Variants in FSHR observed in about 807,000 individuals in gnomAD.
FSHR encodes the protein follicle stimulating hormone receptor.
Under a neutral mutation model 52.1 loss-of-function variants are expected in FSHR, and 46 were observed. The observed-to-expected ratio is 0.88, with a 90% CI of 0.70 to 1.13. FSHR has a LOEUF of 1.13. Among genes scored for constraint, FSHR ranks in the 50% most tolerant of loss-of-function variants. FSHR has a pLI of 0.00. For missense variants in FSHR, 964 were observed against 834.6 expected (o/e 1.16, Z -1.91); for synonymous variants, 399 against 309.6 (o/e 1.29, Z -3.03).
In FSHR at chr2:49,020,128, A is replaced by G. The variant is rs750246214; in HGVS notation, c.257T>C (p.Ile86Thr). 5.0e-6 allele frequency: 8 copies of G among 1,613,686 alleles called. No homozygotes were observed. Among genetic ancestry groups the G allele is most frequent in the Non-Finnish European group, 3.4e-6 (4 of 1,179,722 alleles). Reference sequence around the variant, plus strand: ...AAGGTTGGAGAACACATCTGCCTCTATCACCTCCAAGACATCATTCTGAGA... The same window carrying G: ...AAGGTTGGAGAACACATCTGCCTCTGTCACCTCCAAGACATCATTCTGAGA... ...EISQNDVLEV[I>T]EADVFSNLPK... The change falls in exon 3 of 10, where the codon ATA (isoleucine) becomes ACA (threonine). Residue 86 changes from isoleucine (I) to threonine (T), a missense_variant. Ile to Thr is a moderately conservative substitution (Grantham distance 89). Transcript: ENST00000406846.
intron 1 of FSHR, among the ~76,000 whole-genome samples, chr2:49,127,818 T>TTCC (rs1672085605): frequency 4.4e-5 from 3 of 68,334 alleles, no homozygotes; most frequent in African/African-American, 1.8e-4. Flanking sequence ...CTTCTTCTTC[T>TTCC]TCTTCTTCTT....
At chr2:49,051,011 T>G (rs1418774815) in intron 2 of FSHR, among the ~76,000 whole-genome samples, 1 of 152,170 alleles carries the variant, frequency 6.6e-6, no homozygotes, top group South Asian at 2.1e-4. Context: ...TCTGGCTTCT[T>G]TGCTTACTAT....
At chr2:49,084,391 T>C (rs1209775826) in intron 1 of FSHR, among the ~76,000 whole-genome samples, 5 of 151,466 alleles carry the variant, frequency 3.3e-5, no homozygotes, top group Non-Finnish European at 5.9e-5. Flanking sequence ...CAAGAGAAAG[T>C]AGGAAAGATT....
intron 1 of FSHR, among the ~76,000 whole-genome samples, chr2:49,146,331 A>T (rs1432821870): frequency 1.3e-5 from 2 of 152,056 alleles, no homozygotes; most frequent in African/African-American, 2.4e-5. Flanking sequence ...GTGCTCAAGG[A>T]TGTGGCCCTT....
chr2:49,039,946 C>A (rs998336863), intron 2 of FSHR, among the ~76,000 whole-genome samples: 1 of 150,818 alleles, frequency 6.6e-6, no homozygotes, highest in African/African-American at 2.4e-5. Context: ...CTATAGCAGG[C>A]ATGTATTACT....
intron 8 of FSHR, among the ~76,000 whole-genome samples, chr2:48,969,687 G>A (rs1292449719): frequency 6.6e-6 from 1 of 152,230 alleles, no homozygotes; most frequent in Non-Finnish European, 1.5e-5. Context: ...GTGTGAGAGA[G>A]AGAAAGTTGT....
intron 1 of FSHR, among the ~76,000 whole-genome samples, chr2:49,073,462 CA>C (rs1669271709): frequency 6.6e-6 from 1 of 151,774 alleles, no homozygotes; most frequent in Non-Finnish European, 1.5e-5. Context: ...ACAATAGCTA[CA>C]AAAAAATACC....
chr2:49,076,734 C>T (rs185127916), intron 1 of FSHR, among the ~76,000 whole-genome samples: 150 of 152,290 alleles, frequency 9.8e-4, no homozygotes, highest in Admixed American at 1.8e-3. Context: ...TACCTAGATA[C>T]AATGGGGTAG....
intron 2 of FSHR, among the ~76,000 whole-genome samples, chr2:49,038,656 T>G (rs377096576): frequency 4.3e-5 from 6 of 140,898 alleles, no homozygotes; most frequent in East Asian, 2.0e-4. Context: ...ATAATAATAA[T>G]AATAATAATA....
rs1010614194 is a variant in FSHR, at chr2:48,979,908, A to G, written c.668+3004T>C. 2.0e-5 allele frequency among the ~76,000 whole-genome samples: 3 copies of G among 152,140 alleles called. 1 individual carries two copies. The highest frequency in any genetic ancestry group is 1.3e-4 in the Admixed American group (2 of 15,280). On this transcript the variant is annotated intron_variant, in intron 8 of 9. Transcript: ENST00000406846. ...GCACCTACTGTGGTCTGAATAGCCT[A>G]CGCATACTCCTACTCTTACCTCTTA...
At chr2:48,983,866 G>A (rs1390454293) in intron 6 of FSHR, among the ~76,000 whole-genome samples, 2 of 152,118 alleles carry the variant, frequency 1.3e-5, no homozygotes, top group Non-Finnish European at 2.9e-5. Context: ...CAGCCATCCT[G>A]ATTGCGCTAA....
intron 4 of FSHR, among the ~76,000 whole-genome samples, chr2:49,006,902 A>C (rs1573082364): frequency 6.6e-6 from 1 of 152,030 alleles, no homozygotes; most frequent in Admixed American, 6.6e-5. Context: ...TAGCACCATC[A>C]CCACCTGACA....
intron 4 of FSHR, among the ~76,000 whole-genome samples, chr2:48,999,076 T>C (rs1413643684): frequency 6.6e-6 from 1 of 152,058 alleles, no homozygotes; most frequent in Non-Finnish European, 1.5e-5. Flanking sequence ...ATCCAGTGCA[T>C]AGGATACTTT....
intron 2 of FSHR, among the ~76,000 whole-genome samples, chr2:49,030,356 C>T (rs1204872895): frequency 6.6e-6 from 1 of 151,478 alleles, no homozygotes; most frequent in Non-Finnish European, 1.5e-5. Context: ...CCACAGAGCA[C>T]CCCAAAACCT....
At chr2:48,978,578 G>A (rs985909) in intron 8 of FSHR, among the ~76,000 whole-genome samples, 82,326 of 152,070 alleles carry the variant, frequency 0.54, 24,055 homozygotes, top group Non-Finnish European at 0.66. Flanking sequence ...TTTCCCCACA[G>A]GAAACTGTTT....
At chr2:48,965,981 T>A (rs979946268) in intron 9 of FSHR, among the ~76,000 whole-genome samples, 1 of 152,176 alleles carries the variant, frequency 6.6e-6, no homozygotes, top group African/African-American at 2.4e-5. Flanking sequence ...AGTGAACAGA[T>A]GCTTGGGGGT....
rs1367465801 is a variant in FSHR at position 49,084,595 on chromosome 2, T to A, written c.153-16305A>T. On this transcript the variant is annotated intron_variant, in intron 1 of 9. Coordinates refer to ENST00000406846, the MANE Select transcript of FSHR (RefSeq NM_000145.4). ...AGGATCAACAAAATTGATAGACCGCTAGCAAGACTAATAAAGAAAAAAAGA... is the reference window on the plus strand; with the variant it reads ...AGGATCAACAAAATTGATAGACCGCAAGCAAGACTAATAAAGAAAAAAAGA... Among the ~76,000 whole-genome samples the A allele has an allele frequency of 2.6e-5, 4 of 152,114 alleles. No individual in the cohort carries two copies. The East Asian group carries it at 7.7e-4, about 29-fold the overall frequency.
chr2:49,104,210 G>A (rs929639596), intron 1 of FSHR, among the ~76,000 whole-genome samples: 1 of 152,086 alleles, frequency 6.6e-6, no homozygotes, highest in Non-Finnish European at 1.5e-5. Flanking sequence ...CCTTGAAGCT[G>A]GCAAGTTGCT....
chr2:49,009,568 G>T (rs1327520851), intron 4 of FSHR, among the ~76,000 whole-genome samples: 2 of 141,540 alleles, frequency 1.4e-5, no homozygotes, highest in African/African-American at 5.1e-5. Flanking sequence ...GTGAAGAAAG[G>T]CATTGGTAGC....
Sources: gnomAD v4.1 joint callset for allele counts (sites outside exome capture counted in the v4.1 genomes callset) on GRCh38, gnomAD v4.1.1 for gene constraint, MANE v1.5 for transcripts, NCBI Gene and HGNC (gene_info 2026-07-23, HGNC 2026-07-21) for gene names.